MANBA: variants seen among roughly 807,000 people sequenced by gnomAD.
MANBA encodes mannosidase beta.
In MANBA, 83 loss-of-function variants were observed where a neutral mutation model predicts 111.1. The observed-to-expected ratio is 0.75, with a 90% CI of 0.63 to 0.90. The LOEUF (loss-of-function observed/expected upper bound fraction) is 0.90. Ranked by LOEUF, MANBA falls within the 40% of genes least tolerant of loss-of-function variation. The pLI, the probability that MANBA is intolerant of heterozygous loss-of-function variation, is 0.00. For missense variants in MANBA, 1,036 were observed against 1,069.0 expected, an observed-to-expected ratio of 0.97 and a Z score of 0.43; for synonymous variants, 370 against 378.7, an observed-to-expected ratio of 0.98 and a Z score of 0.27.
intron 5 of MANBA, among the ~76,000 whole-genome samples, chr4:102,697,779 C>A (rs1200790701): frequency 2.0e-4 from 31 of 151,610 alleles, no homozygotes; most frequent in Admixed American, 1.9e-3. Flanking sequence ...TGGGTTGGTT[C>A]CAAGTCTTTG....
chr4:102,668,548 C>T (rs138028336), intron 10 of MANBA: 264 of 192,996 alleles, frequency 1.4e-3, no homozygotes, highest in African/African-American at 5.4e-3. Context: ...AATCAATAAT[C>T]AATTTAAACT....
intron 16 of MANBA, among the ~76,000 whole-genome samples, chr4:102,632,598 T>G (rs980274904): frequency 2.6e-5 from 4 of 152,200 alleles, no homozygotes. Context: ...GAGAGCAACA[T>G]TTTTACATAC....
At chr4:102,745,901 C>A (rs763553920) in intron 1 of MANBA, among the ~76,000 whole-genome samples, 2 of 152,178 alleles carry the variant, frequency 1.3e-5, no homozygotes, top group Non-Finnish European at 2.9e-5. Flanking sequence ...TCACTCTGAA[C>A]CTCACCTCTA....
chr4:102,712,094 A>C (rs1722094280), intron 5 of MANBA, among the ~76,000 whole-genome samples: 1 of 152,226 alleles, frequency 6.6e-6, no homozygotes, highest in Non-Finnish European at 1.5e-5. Flanking sequence ...GAGAAATGAT[A>C]AATACTAGAG....
chr4:102,657,086 T>C (rs895629433), intron 12 of MANBA, among the ~76,000 whole-genome samples: 1 of 152,120 alleles, frequency 6.6e-6, no homozygotes, highest in African/African-American at 2.4e-5. Context: ...GCAAGTGAAT[T>C]ATATCTCAAT....
chr4:102,721,174 A>G (rs1473927653), intron 4 of MANBA, among the ~76,000 whole-genome samples: 1 of 152,188 alleles, frequency 6.6e-6, no homozygotes, highest in African/African-American at 2.4e-5. Context: ...AAATTAAAAA[A>G]TTAGCCAAGT....
intron 1 of MANBA, among the ~76,000 whole-genome samples, chr4:102,749,652 T>A (rs546280004): frequency 6.6e-6 from 1 of 152,230 alleles, no homozygotes; most frequent in South Asian, 2.1e-4. Context: ...ATATGCATCA[T>A]CTTAGGCAAT....
rs1215764373 is a variant in MANBA, at chr4:102,672,639, G to C, written c.1113-1241C>G. 4.6e-5 allele frequency among the ~76,000 whole-genome samples: 7 copies of C among 152,348 alleles called. No homozygotes were observed. The East Asian group carries it at 1.2e-3, about 25-fold the overall frequency. ...CCCCCAGGCCACGGACTGGACCATGGATCAGGTGGCACAGCAGGAGGTAAG... is the reference window on the plus strand; with the variant it reads ...CCCCCAGGCCACGGACTGGACCATGCATCAGGTGGCACAGCAGGAGGTAAG... On this transcript the variant is annotated intron_variant, in intron 8 of 16. Coordinates refer to ENST00000647097, the MANE Select transcript of MANBA (RefSeq NM_005908.4).
At position 102,697,100 on chromosome 4, in the gene MANBA, T is replaced by A. The variant is rs559380144; in HGVS notation, c.674-6329A>T. ...AAGAGACGCAAGGCAAAATGTTTCCTAGAACAAGGATAAGTTAGTAAGCTC... is the reference window on the plus strand; with the variant it reads ...AAGAGACGCAAGGCAAAATGTTTCCAAGAACAAGGATAAGTTAGTAAGCTC... On this transcript the variant is annotated intron_variant, in intron 5 of 16. Coordinates refer to ENST00000647097, the MANE Select transcript of MANBA (RefSeq NM_005908.4). Among the ~76,000 whole-genome samples, 5 of 152,228 alleles carry A rather than the reference T, an allele frequency of 3.3e-5. No individual in the cohort carries two copies. In the South Asian group the frequency reaches 8.3e-4, roughly 25 times the overall value.
intron 5 of MANBA, among the ~76,000 whole-genome samples, chr4:102,704,815 A>C (rs1388376274): frequency 1.3e-5 from 2 of 152,192 alleles, no homozygotes; most frequent in Non-Finnish European, 2.9e-5. Flanking sequence ...ATTTTATTAC[A>C]TCAAACAACC....
At chr4:102,746,304 C>T (rs937644825) in intron 1 of MANBA, among the ~76,000 whole-genome samples, 7 of 152,196 alleles carry the variant, frequency 4.6e-5, no homozygotes, top group South Asian at 2.1e-4. Context: ...ATGCACCTTT[C>T]GTTGCAGGTC....
intron 5 of MANBA, among the ~76,000 whole-genome samples, chr4:102,713,983 GTTGTGTCAGGGCCC>G (rs1338106539): frequency 1.2e-4 from 18 of 151,974 alleles, no homozygotes; most frequent in African/African-American, 3.6e-4. Flanking sequence ...TCACAAGGCT[GTTGTGTCAGGGCCC>G]TTGTGTCAGG....
At chr4:102,735,440 G>A (rs191294625) in intron 1 of MANBA, among the ~76,000 whole-genome samples, 9 of 124,602 alleles carry the variant, frequency 7.2e-5, no homozygotes, top group East Asian at 2.3e-4. Context: ...GAAATGTGGC[G>A]AATAAACTGC....
At chr4:102,687,192 C>T (rs1399365586) in intron 7 of MANBA, among the ~76,000 whole-genome samples, 4 of 152,112 alleles carry the variant, frequency 2.6e-5, no homozygotes, top group African/African-American at 9.7e-5. Flanking sequence ...ATCAAGCCTG[C>T]TGAGGTTATA....
chr4:102,675,830 G>C (rs556024101), intron 7 of MANBA, among the ~76,000 whole-genome samples: 1 of 152,078 alleles, frequency 6.6e-6, no homozygotes, highest in African/African-American at 2.4e-5. Flanking sequence ...AATTAGCTGG[G>C]TGTGGTGGTG....
At chr4:102,690,493 G>A in intron 6 of MANBA, 103 bp downstream of exon 6, 1 of 1,104,538 alleles carries the variant, frequency 9.1e-7, no homozygotes, top group East Asian at 2.5e-5. Context: ...TATAAGCAGA[G>A]AAAGTAGAAT....
At chr4:102,645,722 A>G (rs1418512764) in intron 13 of MANBA, among the ~76,000 whole-genome samples, 1 of 152,028 alleles carries the variant, frequency 6.6e-6, no homozygotes, top group Non-Finnish European at 1.5e-5. Context: ...GAGTAGTAAT[A>G]TTTCCTCTTT....
In MANBA at chr4:102,657,895, G is replaced by A; in HGVS notation, c.1491C>T (p.Asp497=). The A allele has an allele frequency of 1.9e-6, 3 of 1,590,978 alleles. No individual in the cohort carries two copies. Among genetic ancestry groups the A allele is most frequent in the South Asian group, 1.1e-5 (1 of 90,626 alleles). Residue 497 remains aspartate, a synonymous_variant, in exon 12 of 17, where the codon GAC becomes GAT. Transcript: ENST00000647097. ...TGGACGTAATAAAAGGACGACTCTT[G>A]TCTCCCTGAGTTCAGAAATAAAATG... ...KNIRELVLAG[D]KSRPFITSSP...
rs895499342 is a variant in MANBA, at chr4:102,650,689, C to T, written c.1717G>A (p.Glu573Lys). The T allele has an allele frequency of 1.2e-6, 2 of 1,612,334 alleles. No individual in the cohort carries two copies. The highest frequency in any genetic ancestry group is 2.7e-5 in the African/African-American group (2 of 74,886). The change falls in exon 13 of 17, where the codon GAG (glutamate) becomes AAG (lysine). Residue 573 changes from glutamate to lysine, a missense_variant. Coordinates refer to ENST00000647097, the MANE Select transcript of MANBA (RefSeq NM_005908.4). ...AACTTGCTATTGAAAGACCAGTCCT[C>T]TGTAGACGAGACCTTTCAAATAAAG... ...FSTLEKVSST[E>K]DWSFNSKFSL...
Sources: allele counts gnomAD v4.1 joint callset (sites outside exome capture counted in the v4.1 genomes callset), GRCh38; gene constraint gnomAD v4.1.1; transcripts MANE v1.5; gene names NCBI Gene and HGNC (gene_info 2026-07-23, HGNC 2026-07-21).